Variants in PDZRN3 observed in about 807,000 individuals in gnomAD.
The protein encoded by PDZRN3 is E3 ubiquitin-protein ligase PDZRN3.
A neutral mutation model predicts 85.7 loss-of-function variants in PDZRN3; 38 were observed. The ratio of observed to expected loss-of-function variants is 0.44; its 90% CI spans 0.34 to 0.58. The LOEUF (loss-of-function observed/expected upper bound fraction) is 0.58. PDZRN3 is among the 20% of genes least tolerant of loss of function. The pLI is 0.01. For missense variants in PDZRN3, 1,629 were observed against 1,506.4 expected (o/e 1.08, Z -1.35); for synonymous variants, 759 against 638.0 (o/e 1.19, Z -2.86).
Position 73,542,563 on chromosome 3 carries a change from T to G in PDZRN3, c.918+59791A>C, listed in dbSNP as rs1251029030. 2.0e-5 allele frequency among the ~76,000 whole-genome samples: 3 copies of G among 151,994 alleles called. No individual in the cohort carries two copies. The East Asian group carries it at 5.8e-4, about 29-fold the overall frequency. On this transcript the variant is annotated intron_variant, in intron 3 of 9. Transcript: ENST00000263666. ...CCGAGGCAGGTGGATCACCTGAGGT[T>G]AGGAGTTTGAGACCAGCCTGGCCAA...
At position 73,384,112 on chromosome 3, in the gene PDZRN3, G is replaced by A. The variant is rs748608263; in HGVS notation, c.2454C>T (p.Gly818=). ...TCAGGGACGGGCTATAGGTAGGGGTGCCCACTTCGGGATCTTCCGTGATGG... is the reference window on the plus strand; with the variant it reads ...TCAGGGACGGGCTATAGGTAGGGGTACCCACTTCGGGATCTTCCGTGATGG... ...LLSITEDPEV[G]TPTYSPSLKE... Residue 818 remains glycine (G), a synonymous_variant, in exon 10 of 10, where the codon GGC becomes GGT. Coordinates refer to ENST00000263666, the MANE Select transcript of PDZRN3 (RefSeq NM_015009.3). 2 of 1,613,978 alleles carry A rather than the reference G, an allele frequency of 1.2e-6. No individual in the cohort carries two copies. Among genetic ancestry groups the A allele is most frequent in the South Asian group, 1.1e-5 (1 of 91,086 alleles).
intron 5 of PDZRN3, among the ~76,000 whole-genome samples, chr3:73,397,038 CTT>C (rs199940941): frequency 6.9e-5 from 10 of 143,888 alleles, no homozygotes; most frequent in African/African-American, 1.0e-4. Flanking sequence ...CTTTTTCTTT[CTT>C]TTTTTTTTTT....
intron 3 of PDZRN3, among the ~76,000 whole-genome samples, chr3:73,508,830 T>C (rs1458648630): frequency 1.3e-5 from 2 of 152,170 alleles, no homozygotes; most frequent in African/African-American, 4.8e-5. Flanking sequence ...CCCTGTCCAC[T>C]TCCCTAGCCA....
intron 3 of PDZRN3, among the ~76,000 whole-genome samples, chr3:73,593,709 TACACACACACACACACACACAC>T (rs57922621): frequency 4.2e-5 from 6 of 141,934 alleles, no homozygotes; most frequent in South Asian, 2.3e-4. Context: ...GAAATAAATA[TACACACACACACACACACACAC>T]ACACACACAC....
chr3:73,588,030 G>A (rs1268437040), intron 3 of PDZRN3, among the ~76,000 whole-genome samples: 1 of 152,170 alleles, frequency 6.6e-6, no homozygotes, highest in African/African-American at 2.4e-5. Context: ...ATAGGTATAT[G>A]TGTGCCATGG....
At chr3:73,465,232 T>C (rs1703189970) in intron 3 of PDZRN3, among the ~76,000 whole-genome samples, 1 of 152,340 alleles carries the variant, frequency 6.6e-6, no homozygotes, top group African/African-American at 2.4e-5. Context: ...ACACAGCAGG[T>C]ACTAAACAGC....
chr3:73,601,024 A>C (rs1424883412), intron 3 of PDZRN3, among the ~76,000 whole-genome samples: 1 of 152,204 alleles, frequency 6.6e-6, no homozygotes, highest in African/African-American at 2.4e-5. Flanking sequence ...ATCAAGTATC[A>C]TTTTAGCATG....
At chr3:73,513,217 T>G (rs1420750710) in intron 3 of PDZRN3, among the ~76,000 whole-genome samples, 1 of 152,182 alleles carries the variant, frequency 6.6e-6, no homozygotes, top group Non-Finnish European at 1.5e-5. Context: ...TGTCCAAAGA[T>G]TGCTACGAGT....
At chr3:73,621,000 GTAA>G (rs1168139351) in intron 1 of PDZRN3, among the ~76,000 whole-genome samples, 8 of 152,248 alleles carry the variant, frequency 5.3e-5, no homozygotes, top group Non-Finnish European at 1.2e-4. Context: ...CTACCTGAGC[GTAA>G]GCTCTTCGTC....
chr3:73,566,703 T>C (rs1000694383), intron 3 of PDZRN3, among the ~76,000 whole-genome samples: 4 of 152,292 alleles, frequency 2.6e-5, no homozygotes, highest in African/African-American at 4.8e-5. Context: ...ATAGGATTAG[T>C]GGTTTGTTTC....
intron 3 of PDZRN3, among the ~76,000 whole-genome samples, chr3:73,456,024 A>C (rs186272090): frequency 1.3e-3 from 194 of 152,364 alleles, no homozygotes; most frequent in Non-Finnish European, 2.5e-3. Context: ...CTTATAAAAT[A>C]GTGGTAATGG....
intron 3 of PDZRN3, among the ~76,000 whole-genome samples, chr3:73,560,208 GC>G (rs1271354220): frequency 1.3e-5 from 2 of 152,182 alleles, no homozygotes; most frequent in Non-Finnish European, 2.9e-5. Flanking sequence ...TTTTCGAAGA[GC>G]TCCTTTTATG....
chr3:73,469,620 C>T (rs1376546173), intron 3 of PDZRN3, among the ~76,000 whole-genome samples: 1 of 152,172 alleles, frequency 6.6e-6, no homozygotes, highest in East Asian at 1.9e-4. Flanking sequence ...CCCAAATGCC[C>T]GGTTTGTCCA....
intron 3 of PDZRN3, among the ~76,000 whole-genome samples, chr3:73,510,541 G>A (rs879889068): frequency 2.0e-5 from 3 of 152,182 alleles, no homozygotes; most frequent in African/African-American, 4.8e-5. Flanking sequence ...GACCACATAA[G>A]CACAAAATAC....
intron 3 of PDZRN3, among the ~76,000 whole-genome samples, chr3:73,590,456 C>T (rs1702341831): frequency 6.6e-6 from 1 of 152,158 alleles, no homozygotes; most frequent in African/African-American, 2.4e-5. Flanking sequence ...GGTTAGGTCT[C>T]TCTCTACTGG....
At chr3:73,595,645 A>AT (rs992774918) in intron 3 of PDZRN3, among the ~76,000 whole-genome samples, 1 of 152,180 alleles carries the variant, frequency 6.6e-6, no homozygotes. Flanking sequence ...TTCACCAATA[A>AT]TTTTTTAATT....
rs1234906674 is a variant in PDZRN3, at chr3:73,591,398, T to C, written c.918+10956A>G. Reference sequence around the variant, plus strand: ...GATGTAAATTAAGAATTATTCCTGATTGATCAATTATTCTGATTTATATGG... The same window carrying C: ...GATGTAAATTAAGAATTATTCCTGACTGATCAATTATTCTGATTTATATGG... On this transcript the variant is annotated intron_variant, in intron 3 of 9. Transcript: ENST00000263666. 3.3e-5 allele frequency among the ~76,000 whole-genome samples: 5 copies of C among 152,240 alleles called. No individual in the cohort carries two copies. In the East Asian group the frequency reaches 7.7e-4, roughly 23 times the overall value.
intron 3 of PDZRN3, among the ~76,000 whole-genome samples, chr3:73,472,033 T>C (rs577617469): frequency 2.2e-4 from 33 of 149,108 alleles, no homozygotes; most frequent in African/African-American, 7.8e-4. Flanking sequence ...TGAAGTGCCA[T>C]GCTGATTTAC....
At chr3:73,456,555 T>C (rs1442698427) in intron 3 of PDZRN3, among the ~76,000 whole-genome samples, 1 of 152,228 alleles carries the variant, frequency 6.6e-6, no homozygotes, top group Non-Finnish European at 1.5e-5. Context: ...ATAGTCACCA[T>C]TTCCAAATTT....
Sources: gnomAD v4.1 joint callset for allele counts (sites outside exome capture counted in the v4.1 genomes callset) on GRCh38, gnomAD v4.1.1 for gene constraint, MANE v1.5 for transcripts, NCBI Gene and HGNC (gene_info 2026-07-23, HGNC 2026-07-21) for gene names.